Variants in MBTPS1 observed in about 807,000 individuals in gnomAD.
MBTPS1 encodes membrane-bound transcription factor site-1 protease.
A neutral mutation model predicts 127.8 loss-of-function variants in MBTPS1; 94 were observed. The observed-to-expected ratio is 0.74, with a 90% CI of 0.62 to 0.87. The LOEUF (loss-of-function observed/expected upper bound fraction) is 0.87, where lower values mean the gene tolerates loss of function less well. Among genes scored for constraint, MBTPS1 ranks in the 40% least tolerant of loss-of-function variants. The pLI is 0.00. For synonymous variants in MBTPS1, 632 were observed against 509.4 expected, an observed-to-expected ratio of 1.24 and a Z score of -3.24; for missense variants, 1,636 against 1,353.2, an observed-to-expected ratio of 1.21 and a Z score of -3.28.
chr16:84,106,550 G>A (rs1008231033), intron 1 of MBTPS1, among the ~76,000 whole-genome samples: 3 of 152,118 alleles, frequency 2.0e-5, no homozygotes, highest in Non-Finnish European at 4.4e-5. Context: ...AGGCAAAGAG[G>A]CCAGCGGGAA....
At chr16:84,063,085 C>T (rs2085637145) in intron 19 of MBTPS1, among the ~76,000 whole-genome samples, 3 of 152,250 alleles carry the variant, frequency 2.0e-5, no homozygotes, top group Admixed American at 2.0e-4. Context: ...GCATCATGGC[C>T]CCAACAAGTA....
At chr16:84,104,511 G>A (rs1424356229) in intron 1 of MBTPS1, among the ~76,000 whole-genome samples, 1 of 152,042 alleles carries the variant, frequency 6.6e-6, no homozygotes, top group African/African-American at 2.4e-5. Context: ...AAACTTTTCT[G>A]CCTCAAGCTA....
At chr16:84,090,025 A>G (rs1287130696) in intron 8 of MBTPS1, among the ~76,000 whole-genome samples, 3 of 152,200 alleles carry the variant, frequency 2.0e-5, no homozygotes, top group African/African-American at 7.2e-5. Context: ...CTGGACCTCT[A>G]ACAAGGTTCA....
intron 11 of MBTPS1, among the ~76,000 whole-genome samples, chr16:84,079,387 G>C (rs11859297): frequency 0.72 from 110,117 of 152,134 alleles, 39,967 homozygotes; most frequent in East Asian, 0.86. Flanking sequence ...TATAATCAAC[G>C]AGGATGTGGG....
intron 11 of MBTPS1, among the ~76,000 whole-genome samples, chr16:84,077,622 TAAAAG>T (rs1474125312): frequency 6.6e-6 from 1 of 152,104 alleles, no homozygotes; most frequent in African/African-American, 2.4e-5. Flanking sequence ...TTCAAGTAAA[TAAAAG>T]AAAGCAAACA....
At chr16:84,106,021 A>T (rs1270376052) in intron 1 of MBTPS1, among the ~76,000 whole-genome samples, 1 of 152,196 alleles carries the variant, frequency 6.6e-6, no homozygotes, top group Non-Finnish European at 1.5e-5. Flanking sequence ...ACAGCTAGGC[A>T]CGATGGGTCA....
chr16:84,092,547 G>T (rs1234019370), intron 6 of MBTPS1, among the ~76,000 whole-genome samples: 1 of 152,126 alleles, frequency 6.6e-6, no homozygotes, highest in Non-Finnish European at 1.5e-5. Flanking sequence ...AGGACACACG[G>T]GCCAGTGAGG....
At chr16:84,064,595 A>G (rs561611290) in intron 18 of MBTPS1, among the ~76,000 whole-genome samples, 24 of 152,318 alleles carry the variant, frequency 1.6e-4, no homozygotes, top group Non-Finnish European at 1.3e-4. Context: ...CCCACCTACC[A>G]AAAACAAGGA....
Position 84,068,335 on chromosome 16 carries a change from T to A in MBTPS1, c.2071+4A>T. ...CATCTGGCTAGCACAGCAGTGCCAC[T>A]TACCATACTGACTGGCATCAAAACA... On this transcript the variant is annotated splice_donor_region_variant and intron_variant, in intron 15 of 22. Coordinates refer to ENST00000343411, the MANE Select transcript of MBTPS1 (RefSeq NM_003791.4). 1 of 1,594,992 alleles carries A rather than the reference T, an allele frequency of 6.3e-7. No individual in the cohort carries two copies. The highest frequency in any genetic ancestry group is 8.6e-7 in the Non-Finnish European group (1 of 1,162,694).
At chr16:84,060,910 T>C (rs956314043) in intron 19 of MBTPS1, 97 bp from the exon 20 acceptor site, 2 of 1,228,822 alleles carry the variant, frequency 1.6e-6, no homozygotes, top group South Asian at 1.5e-5. Context: ...CATAGCTCAC[T>C]GCAGCCTTGA....
chr16:84,063,483 T>A (rs2085642716), intron 18 of MBTPS1, 38 bp from the exon 19 acceptor site: 1 of 1,601,836 alleles, frequency 6.2e-7, no homozygotes, highest in Non-Finnish European at 8.5e-7. Context: ...CCATGAGAGT[T>A]TCCACTGAGC....
intron 12 of MBTPS1, among the ~76,000 whole-genome samples, chr16:84,071,127 AT>A (rs2085764470): frequency 6.6e-6 from 1 of 152,198 alleles, no homozygotes; most frequent in African/African-American, 2.4e-5. Context: ...ATTTAAGGTT[AT>A]TTCCCAATTA....
rs575071262 is a variant in MBTPS1, at chr16:84,065,606, C to A, written c.2431+84G>T. On this transcript the variant is annotated intron_variant, in intron 18 of 22. Transcript: ENST00000343411. ...AATAAAGCTTTTATTAAAAAAGAGA[C>A]AGAGATGAGAGACAGAGAGAGAAGC... The A allele has an allele frequency of 3.7e-5, 33 of 883,970 alleles. No individual in the cohort carries two copies. The East Asian group carries it at 8.0e-4, about 21-fold the overall frequency. The allele number at this position is 883,970 out of a possible 1,614,324, so 54.8% of individuals were successfully genotyped here.
At chr16:84,081,242 CA>C (rs1327447141) in intron 11 of MBTPS1, among the ~76,000 whole-genome samples, 10 of 152,282 alleles carry the variant, frequency 6.6e-5, no homozygotes, top group African/African-American at 2.4e-4. Context: ...AAAATCATTT[CA>C]AAATAAGGGT....
chr16:84,099,422 A>G, intron 2 of MBTPS1, 112 bp from the exon 3 acceptor site: 1 of 1,051,788 alleles, frequency 9.5e-7, no homozygotes, highest in East Asian at 2.6e-5. Context: ...TAAAGCCCAC[A>G]GCAGACGAGA....
At chr16:84,091,256 T>G (rs964444096) in intron 7 of MBTPS1, among the ~76,000 whole-genome samples, 35 of 152,000 alleles carry the variant, frequency 2.3e-4, no homozygotes, top group Admixed American at 9.8e-4. Context: ...AAGGCTGAGG[T>G]GGGTGGATCA....
intron 4 of MBTPS1, among the ~76,000 whole-genome samples, chr16:84,094,884 G>C (rs1208118411): frequency 1.3e-5 from 2 of 152,172 alleles, no homozygotes; most frequent in South Asian, 2.1e-4. Context: ...GGAGAGGTAA[G>C]GGTCCCTAAG....
At chr16:84,077,373 C>T (rs191888587) in intron 11 of MBTPS1, among the ~76,000 whole-genome samples, 12 of 151,434 alleles carry the variant, frequency 7.9e-5, no homozygotes, top group Non-Finnish European at 1.5e-5. Context: ...ATAATCAAAA[C>T]AGTGTGGTAC....
intron 1 of MBTPS1, among the ~76,000 whole-genome samples, chr16:84,107,961 C>G (rs553346933): frequency 9.0e-4 from 136 of 151,228 alleles, no homozygotes; most frequent in African/African-American, 3.0e-3. Flanking sequence ...CTGCCTCAGC[C>G]TCTCAGAGTG....
Sources: gnomAD v4.1 joint callset for allele counts (sites outside exome capture counted in the v4.1 genomes callset) on GRCh38, gnomAD v4.1.1 for gene constraint, MANE v1.5 for transcripts, NCBI Gene and HGNC (gene_info 2026-07-23, HGNC 2026-07-21) for gene names.